The following UNC13A variants were observed in gnomAD, a reference collection of about 807,000 sequenced individuals.
UNC13A encodes the protein protein unc-13 homolog A.
A neutral mutation model predicts 219.7 loss-of-function variants in UNC13A; 61 were observed. The observed-to-expected ratio is 0.28, with a 90% CI of 0.23 to 0.34. The LOEUF is 0.34. Ranked by LOEUF, UNC13A falls within the 10% of genes least tolerant of loss-of-function variation. UNC13A has a pLI of 1.00. For missense variants in UNC13A, 1,476 were observed against 2,270.3 expected, an observed-to-expected ratio of 0.65 and a Z score of 7.11; for synonymous variants, 920 against 884.6, an observed-to-expected ratio of 1.04 and a Z score of -0.71.
chr19:17,619,265 T>C (rs1402976676), intron 38 of UNC13A, among the ~76,000 whole-genome samples: 6 of 151,736 alleles, frequency 4.0e-5, no homozygotes, highest in Non-Finnish European at 8.8e-5. Flanking sequence ...GACGGTGGTG[T>C]TTGTGGGTGT....
Position 17,640,422 on chromosome 19 carries a change from C to T in UNC13A, c.2787+89G>A, listed in dbSNP as rs552919554. 8.9e-6 allele frequency: 13 copies of T among 1,459,090 alleles called. No homozygotes were observed. The East Asian group carries it at 3.2e-4, about 36-fold the overall frequency. 90.4% of individuals were successfully genotyped at this position (1,459,090 alleles called of 1,614,324 possible). A position where few individuals can be genotyped will look rare whatever the true frequency, so the allele number is the denominator to read the frequency against. Reference sequence around the variant, plus strand: ...GTGGAAAGTCACACAGCAATCAGGTCTAGACTGGGGACCCAGAAGTCACAT... The same window carrying T: ...GTGGAAAGTCACACAGCAATCAGGTTTAGACTGGGGACCCAGAAGTCACAT... On this transcript the variant is annotated intron_variant, in intron 22 of 43. Transcript: ENST00000519716.
At chr19:17,666,199 T>TCTCTCTCTCTCTTTCTTTC (rs760106069) in intron 7 of UNC13A, among the ~76,000 whole-genome samples, 4 of 144,060 alleles carry the variant, frequency 2.8e-5, no homozygotes, top group Non-Finnish European at 6.0e-5. Context: ...CTTTCTCTCT[T>TCTCTCTCTCTCTTTCTTTC]TCTTTCTCTT....
chr19:17,661,143 T>C (rs2079544693), intron 8 of UNC13A, among the ~76,000 whole-genome samples: 1 of 149,128 alleles, frequency 6.7e-6, no homozygotes, highest in African/African-American at 2.5e-5. Context: ...CTTGCTCTGT[T>C]GCCCAGGCTG....
At chr19:17,672,246 G>GT in intron 4 of UNC13A, 132 bp downstream of exon 4, 2 of 735,496 alleles carry the variant, frequency 2.7e-6, no homozygotes. Context: ...TGGAAGGTTC[G>GT]TGGCAATCCC....
rs1019388384 is a variant in UNC13A, at chr19:17,674,433, G to A, written c.152+224C>T. 4.6e-5 allele frequency among the ~76,000 whole-genome samples: 7 copies of A among 152,300 alleles called. No homozygotes were observed. Among genetic ancestry groups the A allele is most frequent in the Admixed American group, 2.6e-4 (4 of 15,294 alleles). ...GGTGGATGGCACAGGAGGCCAGGGC[G>A]GAGGCTGGCGGGCAGCAGGGACTTG... On this transcript the variant is annotated intron_variant, in intron 3 of 43. Coordinates refer to ENST00000519716, the MANE Select transcript of UNC13A (RefSeq NM_001080421.3). This position sits in a 1 kb window ranked among gnomAD's most constrained non-coding sequence, Gnocchi z 5.0.
At chr19:17,609,830 C>T (rs1302155275) in intron 43 of UNC13A, 110 bp downstream of exon 43, 7 of 1,478,226 alleles carry the variant, frequency 4.7e-6, no homozygotes, top group South Asian at 1.2e-5. Flanking sequence ...TGTGGCCCCT[C>T]CCATTCCCGG....
chr19:17,655,846 TG>T, intron 10 of UNC13A, 36 bp downstream of exon 10: 1 of 1,482,048 alleles, frequency 6.7e-7, no homozygotes, highest in Middle Eastern at 1.8e-4. Flanking sequence ...TGTGACCTTG[TG>T]GCAGCCCCTC....
rs898349056 is a variant in UNC13A at position 17,649,972 on chromosome 19, T to C, written c.1440-385A>G. Among the ~76,000 whole-genome samples, 3 of 152,100 alleles carry C rather than the reference T, an allele frequency of 2.0e-5. No homozygotes were observed. Among genetic ancestry groups the C allele is most frequent in the Non-Finnish European group, 4.4e-5 (3 of 68,020 alleles). ...AAGCTAGAAGAGGCAGGGGAGGAAT[T>C]CTCTTCTACAGATTTCAGAGGGAGC... On this transcript the variant is annotated intron_variant, in intron 12 of 43. Coordinates refer to ENST00000519716, the MANE Select transcript of UNC13A (RefSeq NM_001080421.3). The surrounding 1 kb of genome is among the most constrained non-coding windows in gnomAD (Gnocchi z 4.4).
intron 42 of UNC13A, 58 bp downstream of exon 42, chr19:17,611,705 T>C: frequency 6.7e-7 from 1 of 1,494,512 alleles, no homozygotes; most frequent in Non-Finnish European, 9.3e-7. Flanking sequence ...CTTAAGCCAG[T>C]TTGAGTTTGG....
At chr19:17,615,576 G>A (rs566590703) in intron 41 of UNC13A, among the ~76,000 whole-genome samples, 1 of 152,252 alleles carries the variant, frequency 6.6e-6, no homozygotes, top group Admixed American at 6.5e-5. Flanking sequence ...CTACTCAGGA[G>A]GCTGAGGCAC....
chr19:17,639,751 C>T, intron 23 of UNC13A, 89 bp downstream of exon 23: 3 of 1,459,564 alleles, frequency 2.1e-6, no homozygotes, highest in Non-Finnish European at 1.9e-6. Context: ...GAAGATGGGT[C>T]CTCCCATGCA....
chr19:17,626,790 G>A lies in UNC13A; in HGVS notation c.3921-5C>T, dbSNP rs747376105. The A allele has an allele frequency of 4.4e-6, 7 of 1,608,698 alleles. No individual in the cohort carries two copies. The African/African-American group carries it at 5.3e-5, about 12-fold the overall frequency. Reference sequence around the variant, plus strand: ...TCTTCAATGTGCGGCTGGAAGCTGGGGACACAGAAGGGAAGGGCTCAGACC... The same window carrying A: ...TCTTCAATGTGCGGCTGGAAGCTGGAGACACAGAAGGGAAGGGCTCAGACC... On this transcript the variant is annotated splice_polypyrimidine_tract_variant and splice_region_variant and intron_variant, in intron 33 of 43. Coordinates refer to ENST00000519716, the MANE Select transcript of UNC13A (RefSeq NM_001080421.3).
rs139461608 is a variant in UNC13A at position 17,645,355 on chromosome 19, C to T, written c.2356+319G>A. ...CAATCTTCTTTCTTAGATTTAGTTC[C>T]TAGGTCTCTGTCTCTCCCCTCAGAC... On this transcript the variant is annotated intron_variant, in intron 19 of 43. Coordinates refer to ENST00000519716, the MANE Select transcript of UNC13A (RefSeq NM_001080421.3). 6.2e-3 allele frequency among the ~76,000 whole-genome samples: 950 copies of T among 152,244 alleles called. 6 individuals carry two copies. Among genetic ancestry groups the T allele is most frequent in the Middle Eastern group, 0.017 (5 of 294 alleles).
rs2079868190 is a variant in UNC13A at position 17,674,928 on chromosome 19, G to A, written c.53-172C>T. Among the ~76,000 whole-genome samples, 1 of 152,116 alleles carries A rather than the reference G, an allele frequency of 6.6e-6. No individual in the cohort carries two copies. The highest frequency in any genetic ancestry group is 2.1e-4 in the South Asian group (1 of 4,824). On this transcript the variant is annotated intron_variant, in intron 2 of 43. Transcript: ENST00000519716. This position sits in a 1 kb window ranked among gnomAD's most constrained non-coding sequence, Gnocchi z 5.0. ...GAGGGGCCTCAGTGTGGGGAGACGT[G>A]GAATTTTGGGATACTTCATCCAGCT... is the stretch of plus-strand genomic sequence containing the variant.
chr19:17,663,449 G>T, intron 8 of UNC13A, 83 bp downstream of exon 8: 1 of 1,489,256 alleles, frequency 6.7e-7, no homozygotes, highest in Non-Finnish European at 9.3e-7. Flanking sequence ...TTCCCTGTGT[G>T]GTAGTGGGGA....
At chr19:17,666,166 C>CCTTT (rs761447306) in intron 7 of UNC13A, among the ~76,000 whole-genome samples, 95 of 71,190 alleles carry the variant, frequency 1.3e-3, no homozygotes, top group African/African-American at 5.1e-3. Flanking sequence ...CTCCTTCCTT[C>CCTTT]CTTTCTTTCT....
Position 17,627,644 on chromosome 19 carries a change from A to G in UNC13A, c.3832-47T>C, listed in dbSNP as rs376924297. The G allele has an allele frequency of 2.0e-5, 29 of 1,474,694 alleles. No individual in the cohort carries two copies. Among genetic ancestry groups the G allele is most frequent in the African/African-American group, 5.6e-5 (4 of 71,528 alleles). 91.4% of individuals were successfully genotyped at this position (1,474,694 alleles called of 1,614,324 possible). On this transcript the variant is annotated intron_variant, in intron 32 of 43. Transcript: ENST00000519716. The surrounding 1 kb of genome is among the most constrained non-coding windows in gnomAD (Gnocchi z 4.7). ...CAGGCCAGGTTCAGTAAGTATCCAC[A>G]TGTACTGGGCATTTTCTCATCTGAC...
rs546824017 is a variant in UNC13A, at chr19:17,648,370, C to T, written c.1816+61G>A. 177 of 1,421,886 alleles carry T rather than the reference C, an allele frequency of 1.2e-4. 3 individuals are homozygous for T. The South Asian group carries it at 2.5e-3, about 20-fold the overall frequency. The allele number at this position is 1,421,886 out of a possible 1,614,324, so 88.1% of individuals were successfully genotyped here. On this transcript the variant is annotated intron_variant, in intron 16 of 43. Transcript: ENST00000519716. ...GCCTTGCCCTTCAGCCTTTCCCCGC[C>T]ATGCAAGCCCCGGGGCTCCCCACGC...
intron 8 of UNC13A, among the ~76,000 whole-genome samples, chr19:17,659,849 C>A (rs906640433): frequency 7.2e-5 from 11 of 152,206 alleles, no homozygotes; most frequent in Middle Eastern, 3.4e-3. Flanking sequence ...AATGAAAAAA[C>A]CCCCAGACCC....
Sources: allele counts gnomAD v4.1 joint callset (sites outside exome capture counted in the v4.1 genomes callset), GRCh38; gene constraint gnomAD v4.1.1; non-coding constraint Gnocchi (gnomAD v3.1); transcripts MANE v1.5; gene names NCBI Gene and HGNC (gene_info 2026-07-23, HGNC 2026-07-21).